FNDC3A: variants seen among roughly 807,000 people sequenced by gnomAD.
The protein encoded by FNDC3A is fibronectin type III domain containing 3A.
A neutral mutation model predicts 148.9 loss-of-function variants in FNDC3A; 32 were observed. That is an observed-to-expected ratio of 0.21 (90% CI 0.16 to 0.29). FNDC3A has a LOEUF of 0.29. Among genes scored for constraint, FNDC3A ranks in the 10% least tolerant of loss-of-function variants. The pLI, the probability that FNDC3A is intolerant of heterozygous loss-of-function variation, is 1.00. For missense variants in FNDC3A, 1,191 were observed against 1,452.8 expected (o/e 0.82, Z 2.93); for synonymous variants, 472 against 473.6 (o/e 1.00, Z 0.04).
At chr13:49,037,461 G>A (rs1270270319) in intron 2 of FNDC3A, among the ~76,000 whole-genome samples, 2 of 152,128 alleles carry the variant, frequency 1.3e-5, no homozygotes, top group African/African-American at 2.4e-5. Flanking sequence ...ACCAGCAAAC[G>A]TAAAGGAGCA....
At chr13:49,184,955 G>C (rs947378712) in intron 14 of FNDC3A, among the ~76,000 whole-genome samples, 1 of 149,030 alleles carries the variant, frequency 6.7e-6, no homozygotes, top group African/African-American at 2.4e-5. Flanking sequence ...AAGGGGGAGG[G>C]GGGTGGGCAG....
At chr13:49,038,490 G>A (rs542917208) in intron 2 of FNDC3A, among the ~76,000 whole-genome samples, 1 of 152,278 alleles carries the variant, frequency 6.6e-6, no homozygotes, top group South Asian at 2.1e-4. Flanking sequence ...CCATCTACAC[G>A]TCATGGAGAA....
chr13:49,115,787 A>C (rs751368690), intron 4 of FNDC3A, among the ~76,000 whole-genome samples: 25 of 152,134 alleles, frequency 1.6e-4, no homozygotes, highest in Admixed American at 3.9e-4. Flanking sequence ...TCCTTAATAT[A>C]GTCTGCATTC....
At chr13:49,162,901 G>A (rs1194247688) in intron 8 of FNDC3A, among the ~76,000 whole-genome samples, 1 of 37,148 alleles carries the variant, frequency 2.7e-5, no homozygotes, top group African/African-American at 1.2e-4. Flanking sequence ...TTTGCTGGAG[G>A]TCCACTCCAG....
intron 3 of FNDC3A, among the ~76,000 whole-genome samples, chr13:49,104,146 GGTAA>G (rs1279025121): frequency 2.6e-5 from 4 of 152,186 alleles, no homozygotes; most frequent in Non-Finnish European, 5.9e-5. Flanking sequence ...CATTGGATTT[GGTAA>G]GTAAGAATTT....
At chr13:49,164,810 C>T (rs1884366432) in intron 8 of FNDC3A, among the ~76,000 whole-genome samples, 2 of 152,268 alleles carry the variant, frequency 1.3e-5, no homozygotes, top group South Asian at 4.1e-4. Flanking sequence ...GGAGTTTCGC[C>T]TTGTTGGGCA....
chr13:49,197,070 A>G, intron 20 of FNDC3A, 80 bp downstream of exon 20: 1 of 811,850 alleles, frequency 1.2e-6, no homozygotes, highest in South Asian at 1.8e-5. Context: ...GATACTGTTC[A>G]TTTTTACCGC....
chr13:49,161,021 A>G (rs1229861731), intron 8 of FNDC3A, among the ~76,000 whole-genome samples: 1 of 152,154 alleles, frequency 6.6e-6, no homozygotes, highest in Non-Finnish European at 1.5e-5. Context: ...ACATTTGCTG[A>G]GGAGTGCTTT....
chr13:49,146,431 T>C (rs552725065), intron 8 of FNDC3A: 1 of 153,354 alleles, frequency 6.5e-6, no homozygotes, highest in African/African-American at 2.4e-5. Context: ...ATTTCTTTCC[T>C]TGGTTTAAAA....
At chr13:49,049,729 T>TC (rs1246622939) in intron 2 of FNDC3A, among the ~76,000 whole-genome samples, 1 of 152,104 alleles carries the variant, frequency 6.6e-6, no homozygotes, top group Non-Finnish European at 1.5e-5. Flanking sequence ...TTTTCTTTTT[T>TC]CTTTTTTTGA....
intron 2 of FNDC3A, among the ~76,000 whole-genome samples, chr13:49,074,299 T>C (rs1350901431): frequency 6.6e-6 from 1 of 152,188 alleles, no homozygotes; most frequent in Non-Finnish European, 1.5e-5. Context: ...TGCATCCTCA[T>C]AGCTTAGCTA....
intron 17 of FNDC3A, among the ~76,000 whole-genome samples, chr13:49,189,609 G>GTT (rs1885777651): frequency 6.6e-6 from 1 of 151,942 alleles, no homozygotes; most frequent in East Asian, 1.9e-4. Context: ...TGAAATATAG[G>GTT]CATTTTGTTG....
chr13:49,046,350 TG>T, intron 2 of FNDC3A: 1 of 178,700 alleles, frequency 5.6e-6, no homozygotes. Flanking sequence ...ACAATCTTTT[TG>T]GAAGTCTGTT....
intron 25 of FNDC3A, among the ~76,000 whole-genome samples, chr13:49,203,554 C>G (rs1160752026): frequency 2.0e-5 from 3 of 152,154 alleles, no homozygotes; most frequent in African/African-American, 7.2e-5. Context: ...CTCCATGGAG[C>G]TTACTTACAT....
At chr13:49,128,827 G>C (rs1881860739) in intron 4 of FNDC3A, among the ~76,000 whole-genome samples, 1 of 152,086 alleles carries the variant, frequency 6.6e-6, no homozygotes, top group African/African-American at 2.4e-5. Context: ...TATTCTAACT[G>C]TTCCCTCTTC....
intron 8 of FNDC3A, among the ~76,000 whole-genome samples, chr13:49,147,198 T>C (rs1883043074): frequency 6.6e-6 from 1 of 152,228 alleles, no homozygotes; most frequent in African/African-American, 2.4e-5. Flanking sequence ...GGTTTCTTAC[T>C]ATGTTAATGA....
intron 17 of FNDC3A, 109 bp from the exon 18 acceptor site, chr13:49,190,906 T>G (rs1885850810): frequency 3.0e-6 from 2 of 665,970 alleles, no homozygotes; most frequent in Admixed American, 3.2e-5. Context: ...AAGTACAATT[T>G]CAAATTATCA....
At chr13:49,111,001 C>T (rs984120939) in intron 3 of FNDC3A, among the ~76,000 whole-genome samples, 1 of 152,100 alleles carries the variant, frequency 6.6e-6, no homozygotes, top group Non-Finnish European at 1.5e-5. Context: ...TGGGGTAAAT[C>T]ATGCTCAAAT....
intron 2 of FNDC3A, among the ~76,000 whole-genome samples, chr13:49,067,206 A>T (rs947719321): frequency 6.6e-6 from 1 of 152,220 alleles, no homozygotes. Flanking sequence ...TTATTTGTAG[A>T]TTTTAATTAT....
Sources: allele counts gnomAD v4.1 joint callset (sites outside exome capture counted in the v4.1 genomes callset), GRCh38; gene constraint gnomAD v4.1.1; transcripts MANE v1.5; gene names NCBI Gene and HGNC (gene_info 2026-07-23, HGNC 2026-07-21).